The following MIPOL1 variants were observed in gnomAD, a reference collection of about 807,000 sequenced individuals.
MIPOL1 encodes the protein mirror-image polydactyly 1, also known as mirror-image polydactyly gene 1 protein.
Under a neutral mutation model 60.9 loss-of-function variants are expected in MIPOL1, and 57 were observed. The ratio of observed to expected loss-of-function variants is 0.94; its 90% confidence interval spans 0.76 to 1.17. The LOEUF is 1.17. Ranked by LOEUF, MIPOL1 falls within the 50% of genes most tolerant of loss-of-function variation. MIPOL1 has a pLI of 0.00. For missense variants in MIPOL1, 551 were observed against 511.6 expected (o/e 1.08, Z -0.74); for synonymous variants, 179 against 168.8 (o/e 1.06, Z -0.47).
intron 11 of MIPOL1, among the ~76,000 whole-genome samples, chr14:37,480,767 G>A (rs1487032760): frequency 6.6e-6 from 1 of 152,072 alleles, no homozygotes; most frequent in Non-Finnish European, 1.5e-5. Context: ...AAGTGAAATT[G>A]TCATTGTTTG....
At chr14:37,523,837 G>T (rs2095429496) in intron 12 of MIPOL1, among the ~76,000 whole-genome samples, 1 of 152,164 alleles carries the variant, frequency 6.6e-6, no homozygotes, top group African/African-American at 2.4e-5. Flanking sequence ...TCCTAGGAAT[G>T]CTAGGAAAGT....
chr14:37,395,975 T>C (rs1160105193), intron 10 of MIPOL1, among the ~76,000 whole-genome samples: 1 of 152,194 alleles, frequency 6.6e-6, no homozygotes, highest in Admixed American at 6.5e-5. Flanking sequence ...TTCTGTGTCT[T>C]TTAAGTGGAG....
intron 1 of MIPOL1, among the ~76,000 whole-genome samples, chr14:37,229,814 T>G (rs1361340117): frequency 1.3e-5 from 2 of 152,174 alleles, no homozygotes; most frequent in East Asian, 3.8e-4. Context: ...ACATTAAAAC[T>G]ATATATGTTA....
intron 10 of MIPOL1, among the ~76,000 whole-genome samples, chr14:37,386,986 A>C (rs1291649093): frequency 6.6e-6 from 1 of 151,926 alleles, no homozygotes; most frequent in African/African-American, 2.4e-5. Flanking sequence ...TATCTATTAT[A>C]CCTATTATCT....
chr14:37,503,112 G>C (rs952939753), intron 12 of MIPOL1: 2 of 152,082 alleles, frequency 1.3e-5, no homozygotes, highest in African/African-American at 4.8e-5. Flanking sequence ...AGAAATATGG[G>C]ATTACGTGAA....
At chr14:37,257,664 GC>G (rs1191086346) in intron 3 of MIPOL1, among the ~76,000 whole-genome samples, 1 of 152,136 alleles carries the variant, frequency 6.6e-6, no homozygotes, top group Non-Finnish European at 1.5e-5. Context: ...TGGCAGTCCT[GC>G]AGTTGTTAGG....
chr14:37,431,569 C>CTTT (rs869258490), intron 11 of MIPOL1, among the ~76,000 whole-genome samples: 31,090 of 64,746 alleles, frequency 0.48, 13,501 homozygotes, highest in Non-Finnish European at 0.55. Flanking sequence ...ATCTCTGTTT[C>CTTT]TTTTTTTTTT....
intron 9 of MIPOL1, among the ~76,000 whole-genome samples, chr14:37,348,839 T>G (rs1207277611): frequency 4.0e-5 from 6 of 149,108 alleles, no homozygotes; most frequent in African/African-American, 1.0e-4. Context: ...TTTTTTTTTT[T>G]TTTTTTTGGA....
intron 12 of MIPOL1, among the ~76,000 whole-genome samples, chr14:37,531,193 G>A (rs1245002900): frequency 6.6e-6 from 1 of 152,054 alleles, no homozygotes; most frequent in Admixed American, 6.6e-5. Context: ...GTAAATCTTT[G>A]CTTATTTGCC....
intron 7 of MIPOL1, among the ~76,000 whole-genome samples, chr14:37,295,773 AC>A (rs1328818087): frequency 1.3e-5 from 2 of 152,232 alleles, no homozygotes; most frequent in Non-Finnish European, 2.9e-5. Flanking sequence ...ATATATATGT[AC>A]CCAATACAGG....
intron 12 of MIPOL1, among the ~76,000 whole-genome samples, chr14:37,540,281 C>T (rs995605501): frequency 3.3e-5 from 5 of 152,150 alleles, no homozygotes; most frequent in South Asian, 4.1e-4. Flanking sequence ...TGAATTCATT[C>T]TTCAGTCTTT....
In MIPOL1 at chr14:37,437,108, T is replaced by G. The variant is rs554514437; in HGVS notation, c.1031+14159T>G. On this transcript the variant is annotated intron_variant, in intron 11 of 12. Transcript: ENST00000684589. ...AGTTGTTAAGCTTTAAATGTTGTTGTACAGTATGTCTTGTTCTCTTTAGGC... is the reference window on the plus strand; with the variant it reads ...AGTTGTTAAGCTTTAAATGTTGTTGGACAGTATGTCTTGTTCTCTTTAGGC... Among the ~76,000 whole-genome samples the G allele has an allele frequency of 2.0e-4, 31 of 152,322 alleles. No individual in the cohort carries two copies. In the South Asian group the frequency reaches 4.8e-3, roughly 23 times the overall value.
intron 12 of MIPOL1, among the ~76,000 whole-genome samples, chr14:37,544,707 C>G (rs1354250356): frequency 6.6e-6 from 1 of 152,160 alleles, no homozygotes; most frequent in East Asian, 1.9e-4. Flanking sequence ...TTTCACAAAA[C>G]TAAGTAATTG....
rs778330468 is a variant in MIPOL1, at chr14:37,549,555, C to T, written c.*2584C>T. 12 of 151,812 alleles carry T rather than the reference C, an allele frequency of 7.9e-5. No individual in the cohort carries two copies. Among genetic ancestry groups the T allele is most frequent in the Non-Finnish European group, 1.6e-4 (11 of 67,784 alleles). The allele number at this position is 151,812 out of a possible 1,614,324, so 9.4% of individuals were successfully genotyped here. A position where few individuals can be genotyped will look rare whatever the true frequency, so the allele number is the denominator to read the frequency against. On this transcript the variant is annotated 3_prime_UTR_variant, in exon 13 of 13. Transcript: ENST00000684589. ...ACCTAGAACTAAGATCTTATAACCACACTCCATGCAACTATGAGTCTCTAA... is the reference window on the plus strand; with the variant it reads ...ACCTAGAACTAAGATCTTATAACCATACTCCATGCAACTATGAGTCTCTAA...
intron 7 of MIPOL1, among the ~76,000 whole-genome samples, chr14:37,298,803 T>G (rs2153426243): frequency 6.6e-6 from 1 of 151,414 alleles, no homozygotes; most frequent in South Asian, 2.1e-4. Flanking sequence ...AAACAACAGG[T>G]GCTGGAGAGG....
intron 11 of MIPOL1, among the ~76,000 whole-genome samples, chr14:37,425,429 A>C (rs2093944770): frequency 6.6e-6 from 1 of 152,152 alleles, no homozygotes; most frequent in Admixed American, 6.5e-5. Context: ...TTCTAAATAG[A>C]GATTAGTAAT....
chr14:37,309,835 C>T (rs147843709), intron 9 of MIPOL1, among the ~76,000 whole-genome samples: 19 of 151,842 alleles, frequency 1.3e-4, no homozygotes, highest in South Asian at 2.1e-4. Context: ...TACAGGTGTG[C>T]GCCACCAAGC....
intron 10 of MIPOL1, among the ~76,000 whole-genome samples, chr14:37,372,220 G>A (rs1412399054): frequency 6.6e-6 from 1 of 151,892 alleles, no homozygotes; most frequent in Non-Finnish European, 1.5e-5. Flanking sequence ...ATATTTGGGG[G>A]AATACAATCA....
At chr14:37,505,876 C>A (rs2095271084) in intron 12 of MIPOL1, 1 of 152,144 alleles carries the variant, frequency 6.6e-6, no homozygotes, top group African/African-American at 2.4e-5. Flanking sequence ...AGCCCAAAAC[C>A]TCTTTAAGAT....
Sources: allele counts gnomAD v4.1 joint callset (sites outside exome capture counted in the v4.1 genomes callset), GRCh38; gene constraint gnomAD v4.1.1; transcripts MANE v1.5; gene names NCBI Gene and HGNC (gene_info 2026-07-23, HGNC 2026-07-21).